The following CHRNA7 variants were observed in gnomAD, a reference collection of about 807,000 sequenced individuals.
CHRNA7 encodes cholinergic receptor nicotinic alpha 7 subunit, also known as neuronal acetylcholine receptor subunit alpha-7.
Under a neutral mutation model 48.0 loss-of-function variants are expected in CHRNA7, and 17 were observed. The observed-to-expected ratio is 0.35, with a 90% CI of 0.24 to 0.53. CHRNA7 has a LOEUF of 0.53. Ranked by LOEUF, CHRNA7 falls within the 20% of genes least tolerant of loss-of-function variation. The probability of loss-of-function intolerance (pLI) is 0.92; values close to 1 mark genes in which losing one functional copy is unlikely to be tolerated. For missense variants in CHRNA7, 155 were observed against 577.7 expected (o/e 0.27, Z 7.50); for synonymous variants, 75 against 242.3 (o/e 0.31, Z 6.41).
intron 2 of CHRNA7, among the ~76,000 whole-genome samples, chr15:32,076,851 T>A (rs947078020): frequency 6.6e-6 from 1 of 152,190 alleles, no homozygotes; most frequent in African/African-American, 2.4e-5. Flanking sequence ...TTAGGGTAAA[T>A]GTATAATGAC....
intron 2 of CHRNA7, among the ~76,000 whole-genome samples, chr15:32,054,294 T>G (rs1163432390): frequency 6.6e-6 from 1 of 152,194 alleles, no homozygotes; most frequent in Non-Finnish European, 1.5e-5. Context: ...TGCAAATGGA[T>G]GAAATTTACA....
At chr15:32,050,285 A>G (rs907486068) in intron 2 of CHRNA7, among the ~76,000 whole-genome samples, 3 of 152,190 alleles carry the variant, frequency 2.0e-5, no homozygotes, top group African/African-American at 7.2e-5. Flanking sequence ...AGGTACACCA[A>G]TCAGATGCAG....
chr15:32,041,719 A>G (rs2049452606), intron 2 of CHRNA7, among the ~76,000 whole-genome samples: 1 of 152,220 alleles, frequency 6.6e-6, no homozygotes, highest in African/African-American at 2.4e-5. Context: ...TTTGCTTTTC[A>G]GTTTTCAAAA....
At chr15:32,057,986 T>C (rs898307097) in intron 2 of CHRNA7, among the ~76,000 whole-genome samples, 1 of 152,220 alleles carries the variant, frequency 6.6e-6, no homozygotes, top group South Asian at 2.1e-4. Flanking sequence ...CCCTGTTCTT[T>C]ATATTACCGG....
intron 2 of CHRNA7, among the ~76,000 whole-genome samples, chr15:32,036,773 G>GT (rs1248959692): frequency 4.4e-3 from 123 of 27,778 alleles, no homozygotes; most frequent in African/African-American, 9.7e-3. Context: ...GTTTTCAGTG[G>GT]GTTTTTTTTT....
intron 2 of CHRNA7, among the ~76,000 whole-genome samples, chr15:32,092,108 G>A (rs1464862302): frequency 4.6e-5 from 7 of 152,050 alleles, no homozygotes; most frequent in Non-Finnish European, 1.0e-4. Context: ...TAATCTCTTG[G>A]TGTGTTTGCT....
intron 4 of CHRNA7, among the ~76,000 whole-genome samples, chr15:32,125,114 T>A (rs1176652230): frequency 1.3e-5 from 2 of 152,204 alleles, no homozygotes; most frequent in African/African-American, 4.8e-5. Context: ...GAAAAAACAC[T>A]ATCATTACTT....
intron 2 of CHRNA7, among the ~76,000 whole-genome samples, chr15:32,058,042 C>A (rs1004893132): frequency 1.3e-5 from 2 of 152,150 alleles, no homozygotes; most frequent in Admixed American, 6.5e-5. Context: ...GTATCAGAGG[C>A]CTTTGTCTTA....
intron 4 of CHRNA7, among the ~76,000 whole-genome samples, chr15:32,124,632 G>C (rs1323411262): frequency 1.3e-5 from 2 of 152,180 alleles, no homozygotes; most frequent in African/African-American, 4.8e-5. Context: ...GCTGACTGTT[G>C]AAAAGTCAGG....
chr15:32,050,647 G>A (rs79778765), intron 2 of CHRNA7, among the ~76,000 whole-genome samples: 7 of 152,274 alleles, frequency 4.6e-5, no homozygotes, highest in South Asian at 4.1e-4. Context: ...CTCTCAACTC[G>A]TCAAAGTCAT....
At chr15:32,101,116 C>A in intron 2 of CHRNA7, 187 bp from the exon 3 acceptor site, 1 of 572,056 alleles carries the variant, frequency 1.7e-6, no homozygotes, top group Non-Finnish European at 3.0e-6. Context: ...ATGTGTCTTA[C>A]TTTGGAATAA....
At chr15:32,056,048 ATT>A (rs1358366975) in intron 2 of CHRNA7, among the ~76,000 whole-genome samples, 1 of 151,642 alleles carries the variant, frequency 6.6e-6, no homozygotes, top group Non-Finnish European at 1.5e-5. Flanking sequence ...TCTTTGGCTT[ATT>A]GTTTTACTTT....
chr15:32,097,629 T>C (rs1016440240), intron 2 of CHRNA7, among the ~76,000 whole-genome samples: 1 of 152,242 alleles, frequency 6.6e-6, no homozygotes, highest in Admixed American at 6.5e-5. Context: ...TATTTTGTTA[T>C]AAGCGTCCAA....
intron 4 of CHRNA7, among the ~76,000 whole-genome samples, chr15:32,114,503 T>C (rs895829613): frequency 2.6e-5 from 4 of 152,212 alleles, no homozygotes; most frequent in African/African-American, 9.6e-5. Flanking sequence ...ATGGTGGACA[T>C]AGACCACGTC....
intron 2 of CHRNA7, among the ~76,000 whole-genome samples, chr15:32,038,926 T>C (rs371934047): frequency 6.6e-6 from 1 of 152,214 alleles, no homozygotes; most frequent in South Asian, 2.1e-4. Context: ...TATTATTATT[T>C]GATTCAATTG....
At chr15:32,098,426 T>C (rs1349230500) in intron 2 of CHRNA7, among the ~76,000 whole-genome samples, 3 of 152,058 alleles carry the variant, frequency 2.0e-5, no homozygotes, top group Admixed American at 2.0e-4. Context: ...GACCTATTGC[T>C]GCCAGAGTCC....
At chr15:32,050,141 G>A (rs1173418639) in intron 2 of CHRNA7, among the ~76,000 whole-genome samples, 2 of 152,058 alleles carry the variant, frequency 1.3e-5, no homozygotes, top group African/African-American at 2.4e-5. Flanking sequence ...TGCTCTTCTC[G>A]ATGAGTATCT....
intron 2 of CHRNA7, among the ~76,000 whole-genome samples, chr15:32,054,049 C>T (rs1288329833): frequency 6.6e-6 from 1 of 152,196 alleles, no homozygotes; most frequent in Non-Finnish European, 1.5e-5. Flanking sequence ...GGTGTCTATA[C>T]TCTGGGGAGA....
chr15:32,114,061 C>CACATATAT (rs1555383701), intron 4 of CHRNA7, among the ~76,000 whole-genome samples: 190 of 120,186 alleles, frequency 1.6e-3, no homozygotes, highest in Middle Eastern at 0.012. Context: ...TATATATATA[C>CACATATAT]ATATATATAT....
Sources: allele counts gnomAD v4.1 joint callset (sites outside exome capture counted in the v4.1 genomes callset), GRCh38; gene constraint gnomAD v4.1.1; transcripts MANE v1.5; gene names NCBI Gene and HGNC (gene_info 2026-07-23, HGNC 2026-07-21).